Variants in FNDC1 observed in about 807,000 individuals in gnomAD.
FNDC1 encodes the protein fibronectin type III domain-containing protein 1.
Under a neutral mutation model 168.0 loss-of-function variants are expected in FNDC1, and 96 were observed. The observed-to-expected ratio is 0.57, with a 90% CI of 0.48 to 0.68. The LOEUF is 0.68. Among genes scored for constraint, FNDC1 ranks in the 30% least tolerant of loss-of-function variants. The probability of loss-of-function intolerance (pLI) is 0.00; values close to 1 mark genes in which losing one functional copy is unlikely to be tolerated. For missense variants in FNDC1, 2,587 were observed against 2,482.1 expected (o/e 1.04, Z -0.90); for synonymous variants, 1,099 against 1,025.9 (o/e 1.07, Z -1.36).
chr6:159,263,269 T>C (rs1777526292), intron 19 of FNDC1, among the ~76,000 whole-genome samples: 1 of 152,132 alleles, frequency 6.6e-6, no homozygotes, highest in Non-Finnish European at 1.5e-5. Context: ...GAACAAATGG[T>C]CTGTACAAAG....
chr6:159,234,483 G>A lies in FNDC1; in HGVS notation c.3967+4G>A, dbSNP rs745582185. 1 of 1,612,906 alleles carries A rather than the reference G, an allele frequency of 6.2e-7. No homozygotes were observed. Among genetic ancestry groups the A allele is most frequent in the South Asian group, 1.1e-5 (1 of 90,964 alleles). On this transcript the variant is annotated splice_donor_region_variant and intron_variant, in intron 11 of 22. Transcript: ENST00000297267. ...GCCAGACCCTCTTACAGACAAGGTAGTTTATTTTTTCAAACAGTCTTTCTT... is the reference window on the plus strand; with the variant it reads ...GCCAGACCCTCTTACAGACAAGGTAATTTATTTTTTCAAACAGTCTTTCTT...
intron 1 of FNDC1, among the ~76,000 whole-genome samples, chr6:159,182,995 T>C (rs1781914991): frequency 6.6e-6 from 1 of 152,218 alleles, no homozygotes; most frequent in African/African-American, 2.4e-5. Flanking sequence ...GGCCAAGAGC[T>C]GAGATACTGG....
At position 159,197,776 on chromosome 6, in the gene FNDC1, T is replaced by C. The variant is rs774635155; in HGVS notation, c.304+151T>C. On this transcript the variant is annotated intron_variant, in intron 2 of 22. Coordinates refer to ENST00000297267, the MANE Select transcript of FNDC1 (RefSeq NM_032532.3). ...ATGGAGAGCTGAGTTCTGAGATGCT[T>C]GTCGGAGGCTGCTGTTTGACAGCCG... is the stretch of plus-strand genomic sequence containing the variant. Among the ~76,000 whole-genome samples, 5 of 152,330 alleles carry C rather than the reference T, an allele frequency of 3.3e-5. No individual in the cohort carries two copies. In the South Asian group the frequency reaches 6.2e-4, roughly 19 times the overall value.
At position 159,245,889 on chromosome 6, in the gene FNDC1, T is replaced by C. The variant is rs1306964507; in HGVS notation, c.4622-1012T>C. Among the ~76,000 whole-genome samples the C allele has an allele frequency of 4.6e-4, 14 of 30,648 alleles. 6 individuals are homozygous for C. The highest frequency in any genetic ancestry group is 1.3e-3 in the South Asian group (1 of 798). The allele number at this position is 30,648 out of a possible 152,430, so 20.1% of individuals were successfully genotyped here. A position where few individuals can be genotyped will look rare whatever the true frequency, so the allele number is the denominator to read the frequency against. ...TCAGCCTCCCGAGTAGCTGGGACTA[T>C]AGGCGCCCACCACGACGCCCGGCTA... On this transcript the variant is annotated intron_variant, in intron 14 of 22. Coordinates refer to ENST00000297267, the MANE Select transcript of FNDC1 (RefSeq NM_032532.3).
In FNDC1 at chr6:159,261,281, T is replaced by A. The variant is rs1312964863; in HGVS notation, c.5254+12T>A. ...TGTCACCGAATCAGGTATGAATGAC[T>A]TCACATTCTGATTTGTTTTACTTTT... On this transcript the variant is annotated intron_variant, in intron 19 of 22. Coordinates refer to ENST00000297267, the MANE Select transcript of FNDC1 (RefSeq NM_032532.3). The A allele has an allele frequency of 6.3e-7, 1 of 1,577,000 alleles. No homozygotes were observed. Among genetic ancestry groups the A allele is most frequent in the Admixed American group, 1.7e-5 (1 of 58,606 alleles).
chr6:159,248,910 T>C, intron 15 of FNDC1, 129 bp from the exon 16 acceptor site: 5 of 559,912 alleles, frequency 8.9e-6, no homozygotes, highest in Non-Finnish European at 1.5e-5. Context: ...TTTTAGGGTG[T>C]GTGTGTGTGT....
rs368131507 is a variant in FNDC1, at chr6:159,229,980, C to T, written c.1346C>T (p.Ala449Val). 185 of 1,613,714 alleles carry T rather than the reference C, an allele frequency of 1.1e-4. 3 individuals carry two copies. In the South Asian group the frequency reaches 1.5e-3, roughly 13 times the overall value. ...NRRGLGPHSK[A>V]FIVAMPTTSK... Reference sequence around the variant, plus strand: ...AGAGGCCTGGGACCTCACTCCAAAGCCTTCATTGTCGCTATGCCAACAAGT... The same window carrying T: ...AGAGGCCTGGGACCTCACTCCAAAGTCTTCATTGTCGCTATGCCAACAAGT... The change falls in exon 10 of 23, where the codon GCC becomes GTC. Residue 449 changes from alanine to valine, a missense_variant. By Grantham distance (64) the Ala-to-Val change is moderately conservative. Coordinates refer to ENST00000297267, the MANE Select transcript of FNDC1 (RefSeq NM_032532.3).
Position 159,225,710 on chromosome 6 carries a change from A to G in FNDC1, c.1060A>G (p.Thr354Ala). ...GKWSTSVFQRTPESAPTTAPE... is the reference protein window; with the variant it reads ...GKWSTSVFQRAPESAPTTAPE... Reference sequence around the variant, plus strand: ...ATGGAGTACGTCAGTCTTCCAAAGAACACCAGAATCTGGTCTGTATTTGAA... The same window carrying G: ...ATGGAGTACGTCAGTCTTCCAAAGAGCACCAGAATCTGGTCTGTATTTGAA... The change falls in exon 8 of 23, where the codon ACA (threonine) becomes GCA (alanine). Residue 354 changes from threonine to alanine, a missense_variant. Coordinates refer to ENST00000297267, the MANE Select transcript of FNDC1 (RefSeq NM_032532.3). 2 of 1,609,168 alleles carry G rather than the reference A, an allele frequency of 1.2e-6. No homozygotes were observed. Among genetic ancestry groups the G allele is most frequent in the Non-Finnish European group, 1.7e-6 (2 of 1,176,400 alleles).
chr6:159,203,185 C>T (rs1244015857), intron 4 of FNDC1, among the ~76,000 whole-genome samples: 1 of 152,186 alleles, frequency 6.6e-6, no homozygotes, highest in Non-Finnish European at 1.5e-5. Flanking sequence ...TGAATATGCT[C>T]ACATGTGAGA....
chr6:159,260,829 C>A (rs943363493), intron 18 of FNDC1, among the ~76,000 whole-genome samples: 1 of 152,192 alleles, frequency 6.6e-6, no homozygotes, highest in Non-Finnish European at 1.5e-5. Flanking sequence ...AGTCTTAAAC[C>A]TGAGCAAGAG....
chr6:159,248,502 C>T (rs975745099), intron 15 of FNDC1, among the ~76,000 whole-genome samples: 5 of 152,034 alleles, frequency 3.3e-5, no homozygotes, highest in African/African-American at 1.2e-4. Context: ...GACGGGCTTT[C>T]ACCATGTTGG....
rs1314974298 is a variant in FNDC1, at chr6:159,266,155, T to C, written c.5356T>C (p.Tyr1786His). The C allele has an allele frequency of 2.5e-6, 4 of 1,613,864 alleles. No homozygotes were observed. In the African/African-American group the frequency reaches 5.3e-5, roughly 22 times the overall value. Residue 1786 changes from tyrosine to histidine, a missense_variant, in exon 21 of 23, where the codon TAT (tyrosine) becomes CAT (histidine). Coordinates refer to ENST00000297267, the MANE Select transcript of FNDC1 (RefSeq NM_032532.3). ...CTACACGGACTGCCATGGACGGCAA[T>C]ATGTGAAGCGCACGTGGTATCGAAA... ...PSYTDCHGRQYVKRTWYRKFV... is the reference protein window; with the variant it reads ...PSYTDCHGRQHVKRTWYRKFV...
At chr6:159,170,278 G>C (rs1007986191) in intron 1 of FNDC1, among the ~76,000 whole-genome samples, 1 of 152,192 alleles carries the variant, frequency 6.6e-6, no homozygotes, top group Non-Finnish European at 1.5e-5. Context: ...CCGCGCGCCC[G>C]GGGGGAACGT....
intron 17 of FNDC1, among the ~76,000 whole-genome samples, chr6:159,254,005 C>G (rs1338848447): frequency 6.6e-6 from 1 of 152,196 alleles, no homozygotes; most frequent in East Asian, 1.9e-4. Context: ...AGGAGGGCAG[C>G]AACTCTTCCC....
intron 14 of FNDC1, among the ~76,000 whole-genome samples, chr6:159,246,558 T>G (rs1456597012): frequency 1.3e-5 from 2 of 152,174 alleles, no homozygotes; most frequent in Non-Finnish European, 2.9e-5. Flanking sequence ...TCCCTCAGCA[T>G]CAGAGCCCTG....
chr6:159,209,584 T>C (rs1366623551), intron 4 of FNDC1, among the ~76,000 whole-genome samples: 2 of 152,184 alleles, frequency 1.3e-5, no homozygotes, highest in African/African-American at 2.4e-5. Flanking sequence ...GGCAGGATCC[T>C]GGAAGGCAGG....
chr6:159,261,844 G>C (rs953529769), intron 19 of FNDC1, among the ~76,000 whole-genome samples: 1 of 152,164 alleles, frequency 6.6e-6, no homozygotes, highest in African/African-American at 2.4e-5. Flanking sequence ...GCTCATGCCT[G>C]TAATCCCAAC....
chr6:159,242,775 T>C (rs749616269), intron 14 of FNDC1, among the ~76,000 whole-genome samples: 15 of 152,368 alleles, frequency 9.8e-5, no homozygotes, highest in Non-Finnish European at 1.9e-4. Flanking sequence ...ACATTTTGTA[T>C]AAATGGAATC....
intron 1 of FNDC1, among the ~76,000 whole-genome samples, chr6:159,188,097 C>T (rs1391012138): frequency 6.6e-6 from 1 of 152,154 alleles, no homozygotes; most frequent in Non-Finnish European, 1.5e-5. Context: ...ACTTGAACTT[C>T]AAACAAAGAT....
Sources: allele counts gnomAD v4.1 joint callset (sites outside exome capture counted in the v4.1 genomes callset), GRCh38; gene constraint gnomAD v4.1.1; transcripts MANE v1.5; gene names NCBI Gene and HGNC (gene_info 2026-07-23, HGNC 2026-07-21).